The following ATP10A variants were observed in gnomAD, a reference collection of about 807,000 sequenced individuals.
ATP10A encodes phospholipid-transporting ATPase VA.
Under a neutral mutation model 147.8 loss-of-function variants are expected in ATP10A, and 111 were observed. The observed-to-expected ratio is 0.75, with a 90% CI of 0.64 to 0.88. ATP10A has a LOEUF of 0.88. ATP10A is among the 40% of genes least tolerant of loss of function. The pLI is 0.00. For synonymous variants in ATP10A, 875 were observed against 841.6 expected (o/e 1.04, Z -0.69); for missense variants, 1,927 against 1,959.0 (o/e 0.98, Z 0.31).
At chr15:25,859,230 C>T (rs1893648217) in intron 1 of ATP10A, among the ~76,000 whole-genome samples, 1 of 152,206 alleles carries the variant, frequency 6.6e-6, no homozygotes, top group South Asian at 2.1e-4. Context: ...TGCTCTGCTG[C>T]CCCCTCAGCT....
chr15:25,739,834 C>T (rs574605449), intron 2 of ATP10A, among the ~76,000 whole-genome samples: 1 of 152,320 alleles, frequency 6.6e-6, no homozygotes, highest in East Asian at 1.9e-4. Context: ...GTGATTTGAC[C>T]TGACTAGGTG....
At chr15:25,830,134 C>T (rs1040324315) in intron 1 of ATP10A, among the ~76,000 whole-genome samples, 9 of 152,108 alleles carry the variant, frequency 5.9e-5, no homozygotes, top group Non-Finnish European at 1.2e-4. Context: ...AATGGAGCCA[C>T]GGAGAGGAGG....
intron 17 of ATP10A, among the ~76,000 whole-genome samples, chr15:25,681,781 C>T (rs1472966437): frequency 1.3e-5 from 2 of 152,148 alleles, no homozygotes; most frequent in African/African-American, 2.4e-5. Flanking sequence ...TGGCTGGGTG[C>T]GGTGGCTCAC....
rs1347436744 is a variant in ATP10A, at chr15:25,713,990, G to T, written c.2028C>A (p.Asn676Lys). Residue 676 changes from asparagine (N) to lysine (K), a missense_variant, in exon 10 of 21, where the codon AAC (asparagine) becomes AAA (lysine). Physicochemically the swap from Asn to Lys is moderately conservative, Grantham distance 94. Coordinates refer to ENST00000555815, the MANE Select transcript of ATP10A (RefSeq NM_024490.4). ...GCTCCTGAGCAAGCTCCGAGGCCCA[G>T]TTGTCCGCCTGGCTGCTGTAGCCGT... Reference protein sequence around the residue: ...ASNGYSSQADNWASELAQEQE... With the variant: ...ASNGYSSQADKWASELAQEQE... 4 of 1,609,744 alleles carry T rather than the reference G, an allele frequency of 2.5e-6. No homozygotes were observed. Among genetic ancestry groups the T allele is most frequent in the East Asian group, 4.5e-5 (2 of 44,882 alleles).
intron 2 of ATP10A, among the ~76,000 whole-genome samples, chr15:25,745,358 A>G (rs1378786651): frequency 1.3e-5 from 2 of 152,010 alleles, no homozygotes; most frequent in Non-Finnish European, 2.9e-5. Flanking sequence ...GTCTCAAAAA[A>G]AAAAAAGGGA....
rs967906807 is a variant in ATP10A at position 25,799,265 on chromosome 15, C to T, written c.450-18042G>A. On this transcript the variant is annotated intron_variant, in intron 1 of 20. Transcript: ENST00000555815. ...ATCCTGGGCTCTCCCCTCTCACATCCCTGCCTTCCTCATAAAAACCCCCGT... is the reference window on the plus strand; with the variant it reads ...ATCCTGGGCTCTCCCCTCTCACATCTCTGCCTTCCTCATAAAAACCCCCGT... Among the ~76,000 whole-genome samples, 7 of 152,274 alleles carry T rather than the reference C, an allele frequency of 4.6e-5. No individual in the cohort carries two copies. The East Asian group carries it at 9.7e-4, about 21-fold the overall frequency.
intron 1 of ATP10A, among the ~76,000 whole-genome samples, chr15:25,833,019 G>T (rs1347040880): frequency 9.2e-5 from 11 of 119,102 alleles, no homozygotes; most frequent in African/African-American, 2.6e-4. Flanking sequence ...GTCTCACTCT[G>T]TTGCCCAGGT....
chr15:25,858,133 C>T (rs1893596875), intron 1 of ATP10A, among the ~76,000 whole-genome samples: 1 of 152,136 alleles, frequency 6.6e-6, no homozygotes, highest in African/African-American at 2.4e-5. Context: ...ATGTGAATGG[C>T]AATGTGGAAA....
chr15:25,772,613 C>T (rs940723856), intron 2 of ATP10A, among the ~76,000 whole-genome samples: 6 of 152,212 alleles, frequency 3.9e-5, no homozygotes, highest in Non-Finnish European at 7.3e-5. Context: ...AGTTGGCCTT[C>T]TTTACCACAC....
intron 3 of ATP10A, among the ~76,000 whole-genome samples, chr15:25,731,527 A>C (rs1345294008): frequency 6.6e-6 from 1 of 152,172 alleles, no homozygotes; most frequent in Non-Finnish European, 1.5e-5. Context: ...GTGGCTTCAG[A>C]GGTGACCACA....
At chr15:25,729,113 C>A (rs1902785555) in intron 3 of ATP10A, among the ~76,000 whole-genome samples, 1 of 152,222 alleles carries the variant, frequency 6.6e-6, no homozygotes, top group Non-Finnish European at 1.5e-5. Context: ...CAGAATTCAG[C>A]TGGTGAAGCC....
At chr15:25,816,660 C>T (rs577866579) in intron 1 of ATP10A, among the ~76,000 whole-genome samples, 3 of 152,134 alleles carry the variant, frequency 2.0e-5, no homozygotes, top group African/African-American at 7.2e-5. Context: ...CTTGCAATGT[C>T]GGTGATAATG....
chr15:25,710,315 TCTGTGCTGCAGGACG>T (rs1038177065), intron 10 of ATP10A: 5 of 152,324 alleles, frequency 3.3e-5, no homozygotes, highest in African/African-American at 1.2e-4. Flanking sequence ...AGTCGAGAGC[TCTGTGCTGCAGGACG>T]CTGAGGCTGC....
intron 10 of ATP10A, chr15:25,708,730 G>A (rs1264509289): frequency 2.4e-5 from 4 of 164,970 alleles, no homozygotes; most frequent in Admixed American, 5.9e-5. Flanking sequence ...GGAGGCTCAC[G>A]TTCTTCCTGT....
At chr15:25,831,583 C>T (rs946865316) in intron 1 of ATP10A, among the ~76,000 whole-genome samples, 7 of 152,088 alleles carry the variant, frequency 4.6e-5, no homozygotes, top group African/African-American at 1.2e-4. Context: ...CCATATGGAT[C>T]GATATTTTGT....
At chr15:25,750,077 C>T (rs1478180768) in intron 2 of ATP10A, among the ~76,000 whole-genome samples, 1 of 151,906 alleles carries the variant, frequency 6.6e-6, no homozygotes, top group African/African-American at 2.4e-5. Flanking sequence ...AGTTTCCAAA[C>T]TTAATGAAAA....
intron 10 of ATP10A, 60 bp from the exon 11 acceptor site, chr15:25,708,360 G>T: frequency 6.9e-7 from 1 of 1,448,212 alleles, no homozygotes; most frequent in Non-Finnish European, 9.7e-7. Context: ...ATGGTCTTCA[G>T]ACACTCCGAG....
intron 9 of ATP10A, among the ~76,000 whole-genome samples, chr15:25,714,737 A>G (rs2140396508): frequency 6.6e-6 from 1 of 152,234 alleles, no homozygotes; most frequent in South Asian, 2.1e-4. Flanking sequence ...CAGGCTCACC[A>G]TTGCCTGGCA....
rs376598002 is a variant in ATP10A at position 25,827,646 on chromosome 15, A to G, written c.449+35002T>C. On this transcript the variant is annotated intron_variant, in intron 1 of 20. Coordinates refer to ENST00000555815, the MANE Select transcript of ATP10A (RefSeq NM_024490.4). ...TGATTACTAAGGAAATAACCCCCAA[A>G]GTGATAAAATAAATGACAAGGAGAT... 1.6e-4 allele frequency among the ~76,000 whole-genome samples: 25 copies of G among 152,332 alleles called. No individual in the cohort carries two copies. The East Asian group carries it at 3.7e-3, about 22-fold the overall frequency.
Sources: gnomAD v4.1 joint callset for allele counts (sites outside exome capture counted in the v4.1 genomes callset) on GRCh38, gnomAD v4.1.1 for gene constraint, MANE v1.5 for transcripts, NCBI Gene and HGNC (gene_info 2026-07-23, HGNC 2026-07-21) for gene names.